The following NELL2 variants were observed in gnomAD, a reference collection of about 807,000 sequenced individuals.
NELL2 encodes neural EGFL like 2, also known as protein kinase C-binding protein NELL2.
Under a neutral mutation model 109.6 loss-of-function variants are expected in NELL2, and 41 were observed. The observed-to-expected ratio is 0.37, with a 90% CI of 0.29 to 0.49. NELL2 has a LOEUF of 0.49. Ranked by LOEUF, NELL2 falls within the 20% of genes least tolerant of loss-of-function variation. NELL2 has a pLI of 0.98. For missense variants in NELL2, 900 were observed against 1,008.3 expected, an observed-to-expected ratio of 0.89 and a Z score of 1.45; for synonymous variants, 355 against 344.7, an observed-to-expected ratio of 1.03 and a Z score of -0.33.
At chr12:44,743,107 C>T (rs552120624) in intron 9 of NELL2, among the ~76,000 whole-genome samples, 1 of 152,264 alleles carries the variant, frequency 6.6e-6, no homozygotes, top group African/African-American at 2.4e-5. Context: ...GATCTCTCGG[C>T]AGAAACTCTA....
intron 1 of NELL2, among the ~76,000 whole-genome samples, chr12:44,910,340 T>G (rs888292390): frequency 2.0e-5 from 3 of 151,894 alleles, no homozygotes; most frequent in Non-Finnish European, 4.4e-5. Context: ...AAGACATACA[T>G]GTGGCCAACA....
At chr12:44,517,725 A>G (rs1241601054) in intron 19 of NELL2, among the ~76,000 whole-genome samples, 1 of 152,144 alleles carries the variant, frequency 6.6e-6, no homozygotes, top group East Asian at 1.9e-4. Flanking sequence ...ACTGACTAGC[A>G]TATTGAACAA....
chr12:44,543,428 T>G (rs1419195781), intron 15 of NELL2, among the ~76,000 whole-genome samples: 1 of 152,192 alleles, frequency 6.6e-6, no homozygotes, highest in East Asian at 1.9e-4. Flanking sequence ...TACAGTGCAT[T>G]CTGAATCATA....
At chr12:44,915,593 A>G (rs1945822918), upstream of NELL2, among the ~76,000 whole-genome samples, 1 of 152,158 alleles carries the variant, frequency 6.6e-6, no homozygotes, top group African/African-American at 2.4e-5. Flanking sequence ...GACATGTGGG[A>G]ATTGAAAGTA....
At chr12:44,646,973 A>T (rs1305899754) in intron 13 of NELL2, among the ~76,000 whole-genome samples, 4 of 152,214 alleles carry the variant, frequency 2.6e-5, no homozygotes, top group Non-Finnish European at 5.9e-5. Flanking sequence ...GGTTAATAAG[A>T]TTAAATAAAA....
chr12:44,662,057 T>C lies in NELL2; in HGVS notation c.1444+3427A>G, dbSNP rs149913073. ...ATGAAGCATTAATTAGAAAAAATAATAACACCTTCAATGAAAGGAAAATTA... is the reference window on the plus strand; with the variant it reads ...ATGAAGCATTAATTAGAAAAAATAACAACACCTTCAATGAAAGGAAAATTA... On this transcript the variant is annotated intron_variant, in intron 13 of 19. Coordinates refer to ENST00000429094, the MANE Select transcript of NELL2 (RefSeq NM_001145108.2). Among the ~76,000 whole-genome samples, 375 of 152,196 alleles carry C rather than the reference T, an allele frequency of 2.5e-3. 1 individual carries two copies. Among genetic ancestry groups the C allele is most frequent in the African/African-American group, 8.7e-3 (363 of 41,520 alleles).
chr12:44,825,391 CTTTTT>C (rs34266446), intron 2 of NELL2, among the ~76,000 whole-genome samples: 1 of 83,608 alleles, frequency 1.2e-5, no homozygotes, highest in Non-Finnish European at 2.2e-5. Context: ...TATTCATTTC[CTTTTT>C]TTTTTTTTTT....
chr12:44,764,855 A>G (rs1266501560), intron 9 of NELL2, among the ~76,000 whole-genome samples: 1 of 151,984 alleles, frequency 6.6e-6, no homozygotes, highest in Non-Finnish European at 1.5e-5. Context: ...AGAGAGAGAG[A>G]GAGAAAAAAA....
chr12:44,629,448 C>T (rs938240932), intron 13 of NELL2, among the ~76,000 whole-genome samples: 3 of 152,052 alleles, frequency 2.0e-5, no homozygotes, highest in Non-Finnish European at 2.9e-5. Context: ...TGCAGAATTG[C>T]GGTACCCCTG....
At chr12:44,708,011 C>A (rs563438405) in intron 11 of NELL2, among the ~76,000 whole-genome samples, 3 of 152,048 alleles carry the variant, frequency 2.0e-5, no homozygotes, top group Non-Finnish European at 2.9e-5. Context: ...GGAGGGCCAT[C>A]TAGTCAATAA....
chr12:44,876,468 G>A, upstream of NELL2: 24 of 1,318,094 alleles, frequency 1.8e-5, no homozygotes, highest in Non-Finnish European at 2.2e-5. Context: ...TGCCAAACCC[G>A]GTCTAGGGAG....
intron 15 of NELL2, among the ~76,000 whole-genome samples, chr12:44,595,791 C>G (rs570264625): frequency 6.6e-6 from 1 of 152,068 alleles, no homozygotes; most frequent in Non-Finnish European, 1.5e-5. Flanking sequence ...TTCAAGTTCA[C>G]TCTTATTCAG....
intron 2 of NELL2, 162 bp downstream of exon 2, chr12:44,875,062 CT>C: frequency 1.0e-6 from 1 of 959,344 alleles, no homozygotes; most frequent in Non-Finnish European, 1.5e-6. Flanking sequence ...GAAAAAACCA[CT>C]TAAAAGAGAT....
intron 15 of NELL2, among the ~76,000 whole-genome samples, chr12:44,546,360 A>T (rs1252008764): frequency 6.6e-6 from 1 of 152,150 alleles, no homozygotes; most frequent in Non-Finnish European, 1.5e-5. Flanking sequence ...TGCCTGACAG[A>T]CTGTCTACTT....
chr12:44,838,135 C>G (rs1484098187), intron 2 of NELL2, among the ~76,000 whole-genome samples: 1 of 152,022 alleles, frequency 6.6e-6, no homozygotes, highest in Admixed American at 6.5e-5. Flanking sequence ...AAACTGAAGT[C>G]TAGGGGGTTT....
chr12:44,801,599 C>A (rs942658328), intron 3 of NELL2, among the ~76,000 whole-genome samples: 3 of 152,126 alleles, frequency 2.0e-5, no homozygotes, highest in African/African-American at 7.2e-5. Context: ...GCCTACATCT[C>A]TCAGGGTCCC....
At chr12:44,774,893 A>G (rs369345828) in intron 8 of NELL2, 44 bp from the exon 9 acceptor site, 77 of 1,469,486 alleles carry the variant, frequency 5.2e-5, no homozygotes, top group Non-Finnish European at 7.1e-5. Context: ...GTTAGAGTTT[A>G]GTAGTTTTCA....
intron 13 of NELL2, among the ~76,000 whole-genome samples, chr12:44,658,562 A>T (rs186316232): frequency 1.9e-3 from 285 of 152,306 alleles, no homozygotes; most frequent in African/African-American, 6.6e-3. Flanking sequence ...GCTACCATTG[A>T]CTTTCTTCAC....
At chr12:44,851,574 A>G (rs1012238283) in intron 2 of NELL2, 3 of 152,190 alleles carry the variant, frequency 2.0e-5, no homozygotes, top group Non-Finnish European at 2.9e-5. Context: ...TACTACCAGT[A>G]ATTTTTTTAA....
Sources: allele counts gnomAD v4.1 joint callset (sites outside exome capture counted in the v4.1 genomes callset), GRCh38; gene constraint gnomAD v4.1.1; transcripts MANE v1.5; gene names NCBI Gene and HGNC (gene_info 2026-07-23, HGNC 2026-07-21).